ADD1: variants seen among roughly 807,000 people sequenced by gnomAD.
ADD1 encodes the protein adducin 1.
ADD1 carries 24 observed loss-of-function variants against 80.5 expected under a neutral mutation model. The observed-to-expected ratio is 0.30, with a 90% CI of 0.22 to 0.42. The LOEUF (loss-of-function observed/expected upper bound fraction) is 0.42, where lower values mean the gene tolerates loss of function less well. Ranked by LOEUF, ADD1 falls within the 10% of genes least tolerant of loss-of-function variation. ADD1 has a pLI of 1.00. For synonymous variants in ADD1, 373 were observed against 393.8 expected, an observed-to-expected ratio of 0.95 and a Z score of 0.63; for missense variants, 948 against 1,019.0, an observed-to-expected ratio of 0.93 and a Z score of 0.95.
chr4:2,852,413 G>C (rs1364200850), intron 1 of ADD1, among the ~76,000 whole-genome samples: 2 of 139,368 alleles, frequency 1.4e-5, no homozygotes, highest in African/African-American at 2.7e-5. Flanking sequence ...TGCAACCTCC[G>C]CCTCCCGGGT....
intron 14 of ADD1, among the ~76,000 whole-genome samples, chr4:2,918,995 C>T (rs1031639048): frequency 3.3e-5 from 5 of 152,054 alleles, no homozygotes; most frequent in African/African-American, 7.2e-5. Flanking sequence ...CACACGCCAC[C>T]ACACCCGGTT....
At position 2,912,638 on chromosome 4, in the gene ADD1, C is replaced by T. The variant is rs559293854; in HGVS notation, c.1792-2246C>T. Among the ~76,000 whole-genome samples the T allele has an allele frequency of 1.5e-4, 23 of 152,274 alleles. No individual in the cohort carries two copies. In the South Asian group the frequency reaches 4.6e-3, roughly 30 times the overall value. On this transcript the variant is annotated intron_variant, in intron 13 of 15. Transcript: ENST00000683351. Reference sequence around the variant, plus strand: ...ACCTCTCAGGCCAAAAGAATCCTCCCACCTCAGCCTCCTCAGCAGCTGGGA... The same window carrying T: ...ACCTCTCAGGCCAAAAGAATCCTCCTACCTCAGCCTCCTCAGCAGCTGGGA...
At chr4:2,916,440 C>A (rs1470924776) in intron 14 of ADD1, among the ~76,000 whole-genome samples, 1 of 152,036 alleles carries the variant, frequency 6.6e-6, no homozygotes, top group Admixed American at 6.6e-5. Flanking sequence ...GTGATCCGCC[C>A]GCCTTGGCCT....
rs1446122438 is a variant in ADD1, at chr4:2,928,720, T to G, written c.*197T>G. On this transcript the variant is annotated 3_prime_UTR_variant, in exon 16 of 16. Coordinates refer to ENST00000683351, the MANE Select transcript of ADD1 (RefSeq NM_001354761.2). Reference sequence around the variant, plus strand: ...CAGCAGCCCCACCCCACCCTGCCCCTTGTCCTCTCAGAGCCTCAGCTTCTG... The same window carrying G: ...CAGCAGCCCCACCCCACCCTGCCCCGTGTCCTCTCAGAGCCTCAGCTTCTG... The G allele has an allele frequency of 1.9e-6, 1 of 522,268 alleles. No homozygotes were observed. Among genetic ancestry groups the G allele is most frequent in the Non-Finnish European group, 3.2e-6 (1 of 313,820 alleles). The allele number at this position is 522,268 out of a possible 1,614,324, so 32.4% of individuals were successfully genotyped here. A position where few individuals can be genotyped will look rare whatever the true frequency, so the allele number is the denominator to read the frequency against.
Position 2,928,397 on chromosome 4 carries a change from T to C in ADD1, c.2274T>C (p.Ala758=). The C allele has an allele frequency of 6.2e-7, 1 of 1,612,906 alleles. No homozygotes were observed. ...APVAEEAAPS[A]VEEGAAADPG... ...TGGCTGAAGAGGCTGCCCCCTCAGC[T>C]GTCGAGGAGGGGGCCGCCGCGGACC... The change falls in exon 16 of 16, where the codon GCT becomes GCC. Residue 758 remains alanine (A), a synonymous_variant. Coordinates refer to ENST00000683351, the MANE Select transcript of ADD1 (RefSeq NM_001354761.2).
chr4:2,894,875 G>T, intron 6 of ADD1, 144 bp downstream of exon 6: 1 of 934,586 alleles, frequency 1.1e-6, no homozygotes, highest in Non-Finnish European at 1.5e-6. Flanking sequence ...CACTAAGTTT[G>T]ACTTTCTTAA....
intron 14 of ADD1, among the ~76,000 whole-genome samples, chr4:2,918,870 G>A (rs1317344215): frequency 6.8e-6 from 1 of 146,336 alleles, no homozygotes; most frequent in Non-Finnish European, 1.5e-5. Flanking sequence ...TTTCTTTCCT[G>A]AGACGGAGTC....
At chr4:2,864,407 T>C (rs1286903974) in intron 1 of ADD1, among the ~76,000 whole-genome samples, 2 of 152,116 alleles carry the variant, frequency 1.3e-5, no homozygotes, top group East Asian at 1.9e-4. Flanking sequence ...AGAGCGAGAC[T>C]CCGCCTCAAA....
intron 14 of ADD1, among the ~76,000 whole-genome samples, chr4:2,916,594 T>G (rs917761859): frequency 6.6e-6 from 1 of 152,162 alleles, no homozygotes; most frequent in Non-Finnish European, 1.5e-5. Context: ...GCAGGTTTGT[T>G]ACATAGGTAT....
At chr4:2,880,971 A>G (rs1388516279) in intron 2 of ADD1, among the ~76,000 whole-genome samples, 1 of 152,092 alleles carries the variant, frequency 6.6e-6, no homozygotes, top group East Asian at 1.9e-4. Context: ...GTAATTTGAA[A>G]AGTATTTTGA....
chr4:2,860,036 A>G (rs895915569), intron 1 of ADD1, among the ~76,000 whole-genome samples: 1 of 151,550 alleles, frequency 6.6e-6, no homozygotes, highest in Non-Finnish European at 1.5e-5. Context: ...AATCTTACGT[A>G]GAGTTTTCTA....
chr4:2,847,275 G>C (rs1346201472), intron 1 of ADD1, among the ~76,000 whole-genome samples: 8 of 151,826 alleles, frequency 5.3e-5, no homozygotes, highest in African/African-American at 9.7e-5. Flanking sequence ...ACAAAAATTA[G>C]CTGGGCATGG....
chr4:2,864,199 G>A (rs773895709), intron 1 of ADD1, among the ~76,000 whole-genome samples: 14 of 152,152 alleles, frequency 9.2e-5, no homozygotes, highest in Non-Finnish European at 1.9e-4. Flanking sequence ...GATTTCCTGA[G>A]TTCAGGAGTT....
chr4:2,889,228 G>A (rs1284294565), intron 4 of ADD1, among the ~76,000 whole-genome samples: 7 of 152,192 alleles, frequency 4.6e-5, no homozygotes, highest in African/African-American at 1.7e-4. Context: ...TTGCAGCTCA[G>A]CGGGGTGGGG....
chr4:2,847,721 G>GAGACATC (rs1459546959), intron 1 of ADD1, among the ~76,000 whole-genome samples: 1 of 152,178 alleles, frequency 6.6e-6, no homozygotes, highest in African/African-American at 2.4e-5. Context: ...AAGGAGACAT[G>GAGACATC]AGACATCAAT....
intron 4 of ADD1, among the ~76,000 whole-genome samples, chr4:2,885,807 T>C (rs1733208887): frequency 6.6e-6 from 1 of 151,992 alleles, no homozygotes; most frequent in Admixed American, 6.6e-5. Flanking sequence ...AGACGGGGTT[T>C]CACCGTGTTA....
At chr4:2,882,333 A>AAT (rs1304433970) in intron 3 of ADD1, among the ~76,000 whole-genome samples, 1 of 152,186 alleles carries the variant, frequency 6.6e-6, no homozygotes, top group African/African-American at 2.4e-5. Context: ...TGTAGATTAA[A>AAT]ATAAACTAAT....
In ADD1 at chr4:2,926,788, A is replaced by T. The variant is rs1711771074; in HGVS notation, c.2047+676A>T. The stretch of plus-strand genomic sequence containing the variant: ...TCTGTTTATTTAAAATAAAAACAGA[A>T]GCCCCCCTTTTTTGTACCCAGTCCC... On this transcript the variant is annotated intron_variant, in intron 15 of 15. Coordinates refer to ENST00000683351, the MANE Select transcript of ADD1 (RefSeq NM_001354761.2). The surrounding 1 kb of genome is among the most constrained non-coding windows in gnomAD (Gnocchi z 5.0). 1.2e-5 allele frequency: 15 copies of T among 1,274,958 alleles called. No homozygotes were observed. Among genetic ancestry groups the T allele is most frequent in the Non-Finnish European group, 1.5e-5 (14 of 913,218 alleles). 79.0% of individuals were successfully genotyped at this position (1,274,958 alleles called of 1,614,324 possible). A position where few individuals can be genotyped will look rare whatever the true frequency, so the allele number is the denominator to read the frequency against.
At chr4:2,885,830 TC>T (rs1733229059) in intron 4 of ADD1, among the ~76,000 whole-genome samples, 1 of 152,100 alleles carries the variant, frequency 6.6e-6, no homozygotes, top group Non-Finnish European at 1.5e-5. Flanking sequence ...CAGGATGGTC[TC>T]GATCTCCTGA....
Sources: gnomAD v4.1 joint callset for allele counts (sites outside exome capture counted in the v4.1 genomes callset) on GRCh38, gnomAD v4.1.1 for gene constraint, Gnocchi (gnomAD v3.1) non-coding constraint, MANE v1.5 for transcripts, NCBI Gene and HGNC (gene_info 2026-07-23, HGNC 2026-07-21) for gene names.